Variants in CHIC2 observed in about 807,000 individuals in gnomAD.
CHIC2 encodes the protein cysteine-rich hydrophobic domain-containing protein 2.
CHIC2 carries 14 observed loss-of-function variants against 25.9 expected under a neutral mutation model. That is an observed-to-expected ratio of 0.54 (90% confidence interval 0.36 to 0.85). CHIC2 has a LOEUF of 0.85. CHIC2 is among the 40% of genes least tolerant of loss of function. The pLI is 0.01. For synonymous variants in CHIC2, 70 were observed against 72.0 expected (o/e 0.97, Z 0.14); for missense variants, 146 against 202.0 (o/e 0.72, Z 1.68).
intron 3 of CHIC2, 76 bp from the exon 4 acceptor site, chr4:54,014,195 A>G (rs1449097211): frequency 1.6e-6 from 2 of 1,218,928 alleles, no homozygotes; most frequent in Non-Finnish European, 2.4e-6. Context: ...TTTTTCTGTG[A>G]AAAGGGGAGA....
intron 3 of CHIC2, among the ~76,000 whole-genome samples, chr4:54,017,768 T>C (rs1157879459): frequency 6.6e-6 from 1 of 152,160 alleles, no homozygotes; most frequent in Non-Finnish European, 1.5e-5. Context: ...TCCAAGCATC[T>C]GGATCCCACC....
At chr4:54,030,892 T>C (rs1473214774) in intron 3 of CHIC2, among the ~76,000 whole-genome samples, 1 of 151,078 alleles carries the variant, frequency 6.6e-6, no homozygotes, top group East Asian at 1.9e-4. Flanking sequence ...TTTTTTTTTT[T>C]TGAGACGGAG....
chr4:54,061,592 T>C (rs570352094), intron 1 of CHIC2, among the ~76,000 whole-genome samples: 1 of 152,240 alleles, frequency 6.6e-6, no homozygotes, highest in African/African-American at 2.4e-5. Flanking sequence ...GCTCTTCCCA[T>C]TTATATTTAA....
chr4:54,085,129 T>C, the CHIC2 span, among the ~76,000 whole-genome samples: 30 of 152,286 alleles, frequency 2.0e-4, no homozygotes, highest in Admixed American at 7.2e-4. Context: ...ATTCAAATGA[T>C]AAAGAAATAA....
At chr4:54,090,580 C>T in the CHIC2 span, among the ~76,000 whole-genome samples, 12 of 152,268 alleles carry the variant, frequency 7.9e-5, no homozygotes, top group Admixed American at 1.3e-4. Flanking sequence ...ACTCAGGGAA[C>T]GTCATCACAC....
chr4:54,068,966 A>G (rs1204332474), upstream of CHIC2, among the ~76,000 whole-genome samples: 4 of 152,258 alleles, frequency 2.6e-5, no homozygotes, highest in Non-Finnish European at 5.9e-5. Context: ...CAGGTTTACC[A>G]GTTTATTAAG....
At chr4:54,031,611 C>CTTTTTTT (rs1037563282) in intron 3 of CHIC2, among the ~76,000 whole-genome samples, 38 of 103,442 alleles carry the variant, frequency 3.7e-4, no homozygotes, top group African/African-American at 7.8e-4. Context: ...GATGTACTTG[C>CTTTTTTT]TTTTTTTTTT....
Position 54,064,283 on chromosome 4 carries a change from T to A in CHIC2, c.18A>T (p.Glu6Asp). The A allele has an allele frequency of 1.2e-6, 2 of 1,613,194 alleles. No homozygotes were observed. The highest frequency in any genetic ancestry group is 1.7e-6 in the Non-Finnish European group (2 of 1,179,586). Residue 6 changes from glutamate to aspartate, a missense_variant, in exon 1 of 6, where the codon GAA becomes GAT. Glu to Asp is a conservative substitution (Grantham distance 45). Coordinates refer to ENST00000263921, the MANE Select transcript of CHIC2 (RefSeq NM_012110.4). The surrounding 1 kb of genome is among the most constrained non-coding windows in gnomAD (Gnocchi z 4.2). ...CCTCGTCCTCCTCTTCCTCATAGAT[T>A]TCGTCGAAATCCGCCATCCTGAGCC... is the stretch of plus-strand genomic sequence containing the variant. The part of the protein sequence containing the change: MADFD[E>D]IYEEEEDEER...
intron 1 of CHIC2, among the ~76,000 whole-genome samples, chr4:54,050,175 T>C (rs1375209883): frequency 1.3e-5 from 2 of 152,162 alleles, no homozygotes; most frequent in Non-Finnish European, 2.9e-5. Context: ...CAGCTTCCTT[T>C]GTTTCCTTAA....
the CHIC2 span, among the ~76,000 whole-genome samples, chr4:54,091,236 G>A: frequency 6.6e-6 from 1 of 152,138 alleles, no homozygotes; most frequent in African/African-American, 2.4e-5. Context: ...GGCTCGCTGA[G>A]TGACGCCAGT....
At position 54,040,396 on chromosome 4, in the gene CHIC2, G is replaced by A. The variant is rs138241733; in HGVS notation, c.330+8559C>T. Among the ~76,000 whole-genome samples, 690 of 151,772 alleles carry A rather than the reference G, an allele frequency of 4.5e-3. 5 individuals are homozygous for A. Among genetic ancestry groups the A allele is most frequent in the African/African-American group, 0.014 (588 of 41,360 alleles). On this transcript the variant is annotated intron_variant, in intron 3 of 5. Coordinates refer to ENST00000263921, the MANE Select transcript of CHIC2 (RefSeq NM_012110.4). ...AGCCTGGCCAAAATGGTGAAACCCCGTCTCTACCAAAAATATAAAAATTAG... is the reference window on the plus strand; with the variant it reads ...AGCCTGGCCAAAATGGTGAAACCCCATCTCTACCAAAAATATAAAAATTAG...
At position 54,010,039 on chromosome 4, in the gene CHIC2, C is replaced by T. The variant is rs1715536808; in HGVS notation, c.*56G>A. ...ATGTCACCACCAGGAGAGCACCAAG[C>T]AAGGCACCATTGGAAAGACAACATA... On this transcript the variant is annotated 3_prime_UTR_variant, in exon 6 of 6. Transcript: ENST00000263921. The T allele has an allele frequency of 8.2e-7, 1 of 1,212,528 alleles. No homozygotes were observed. The highest frequency in any genetic ancestry group is 1.2e-6 in the Non-Finnish European group (1 of 826,898). 75.1% of individuals were successfully genotyped at this position (1,212,528 alleles called of 1,614,324 possible). A position where few individuals can be genotyped will look rare whatever the true frequency, so the allele number is the denominator to read the frequency against.
chr4:54,091,829 C>G, the CHIC2 span, among the ~76,000 whole-genome samples: 1 of 152,252 alleles, frequency 6.6e-6, no homozygotes, highest in East Asian at 1.9e-4. Flanking sequence ...CATGCACACT[C>G]GCCCCCACCT....
At chr4:54,040,681 T>G (rs1716545330) in intron 3 of CHIC2, among the ~76,000 whole-genome samples, 1 of 117,642 alleles carries the variant, frequency 8.5e-6, no homozygotes. Flanking sequence ...CCAGCCTGGG[T>G]GATAAAAGTG....
rs144273993 is a variant in CHIC2 at position 54,037,839 on chromosome 4, G to C, written c.330+11116C>G. Reference sequence around the variant, plus strand: ...TCAGAGAGAAAATCACAAATACTTTGAACCAAAAGAAAACAAAAATACTAT... The same window carrying C: ...TCAGAGAGAAAATCACAAATACTTTCAACCAAAAGAAAACAAAAATACTAT... On this transcript the variant is annotated intron_variant, in intron 3 of 5. Transcript: ENST00000263921. Among the ~76,000 whole-genome samples the C allele has an allele frequency of 2.9e-3, 442 of 151,864 alleles. 3 individuals carry two copies. Among genetic ancestry groups the C allele is most frequent in the African/African-American group, 0.01 (417 of 41,470 alleles).
In CHIC2 at chr4:54,064,420, G is replaced by A. The variant is rs1717444662; in HGVS notation, c.-120C>T. ...CCGCTGCCGCCGGCTCCGAGGCCGC[G>A]GAGTTCGCTGTCGGCTGTCTCGGCT... On this transcript the variant is annotated 5_prime_UTR_variant, in exon 1 of 6. Coordinates refer to ENST00000263921, the MANE Select transcript of CHIC2 (RefSeq NM_012110.4). This position sits in a 1 kb window ranked among gnomAD's most constrained non-coding sequence, Gnocchi z 4.2. 3.9e-6 allele frequency: 6 copies of A among 1,527,108 alleles called. No homozygotes were observed. Among genetic ancestry groups the A allele is most frequent in the African/African-American group, 1.4e-5 (1 of 71,502 alleles). The allele number at this position is 1,527,108 out of a possible 1,614,324, so 94.6% of individuals were successfully genotyped here. A position where few individuals can be genotyped will look rare whatever the true frequency, so the allele number is the denominator to read the frequency against.
the CHIC2 span, among the ~76,000 whole-genome samples, chr4:54,084,959 C>CAAAAAAAAAAA: frequency 2.1e-3 from 125 of 58,914 alleles, 5 homozygotes; most frequent in African/African-American, 8.4e-3. Flanking sequence ...TGCTCTGTCT[C>CAAAAAAAAAAA]AAAAAAAAAA....
chr4:54,089,024 A>G, the CHIC2 span, among the ~76,000 whole-genome samples: 2 of 152,186 alleles, frequency 1.3e-5, no homozygotes, highest in Non-Finnish European at 1.5e-5. Context: ...TTTCCAGGGC[A>G]TCTTCCTGCA....
the CHIC2 span, among the ~76,000 whole-genome samples, chr4:54,085,356 C>T: frequency 1.4e-4 from 22 of 152,196 alleles, no homozygotes; most frequent in Non-Finnish European, 2.4e-4. Context: ...CCAATTATTA[C>T]GAAGTATCTG....
Sources: gnomAD v4.1 joint callset for allele counts (sites outside exome capture counted in the v4.1 genomes callset) on GRCh38, gnomAD v4.1.1 for gene constraint, Gnocchi (gnomAD v3.1) non-coding constraint, MANE v1.5 for transcripts, NCBI Gene and HGNC (gene_info 2026-07-23, HGNC 2026-07-21) for gene names.